DIPK1C: variants seen among roughly 807,000 people sequenced by gnomAD.
DIPK1C encodes the protein familial non-conventional Alzheimer's dementia.
Under a neutral mutation model 28.0 loss-of-function variants are expected in DIPK1C, and 33 were observed. That is an observed-to-expected ratio of 1.18 (90% confidence interval 0.89 to 1.58). DIPK1C has a LOEUF of 1.58. Among genes scored for constraint, DIPK1C ranks in the 40% most tolerant of loss-of-function variants. The pLI is 0.00. For missense variants in DIPK1C, 569 were observed against 568.5 expected (o/e 1.00, Z -0.01); for synonymous variants, 255 against 248.8 (o/e 1.02, Z -0.23).
intron 3 of DIPK1C, among the ~76,000 whole-genome samples, chr18:74,438,888 C>A (rs1247164956): frequency 2.6e-5 from 4 of 152,238 alleles, no homozygotes; most frequent in African/African-American, 7.2e-5. Flanking sequence ...TTGGGCCCAC[C>A]CTCTTTAACC....
chr18:74,450,011 G>T (rs2288262), intron 1 of DIPK1C, among the ~76,000 whole-genome samples: 5,812 of 152,194 alleles, frequency 0.038, 129 homozygotes, highest in East Asian at 0.1. Flanking sequence ...GCGGCAGCTG[G>T]TCAGGCTCCT....
rs1473240635 is a variant in DIPK1C, at chr18:74,435,841, A to C, written c.*660T>G. On this transcript the variant is annotated 3_prime_UTR_variant, in exon 4 of 4. Coordinates refer to ENST00000343998, the MANE Select transcript of DIPK1C (RefSeq NM_001044369.3). Reference sequence around the variant, plus strand: ...TAGAGAAAGCACCACTCCCCACCCTAACCCACATCCCCAACACACTCACCT... The same window carrying C: ...TAGAGAAAGCACCACTCCCCACCCTCACCCACATCCCCAACACACTCACCT... The C allele has an allele frequency of 6.6e-6, 1 of 152,444 alleles. No individual in the cohort carries two copies. Among genetic ancestry groups the C allele is most frequent in the Non-Finnish European group, 1.5e-5 (1 of 68,056 alleles). The allele number at this position is 152,444 out of a possible 1,614,324, so 9.4% of individuals were successfully genotyped here. A position where few individuals can be genotyped will look rare whatever the true frequency, so the allele number is the denominator to read the frequency against.
intron 2 of DIPK1C, among the ~76,000 whole-genome samples, chr18:74,446,024 G>A (rs559165374): frequency 1.8e-4 from 27 of 152,188 alleles, no homozygotes; most frequent in Non-Finnish European, 2.9e-4. Flanking sequence ...CCCGTGGTGC[G>A]GTGACAGATA....
In DIPK1C at chr18:74,457,043, G is replaced by A; in HGVS notation, c.198+19C>T. The A allele has an allele frequency of 7.0e-7, 1 of 1,429,400 alleles. No individual in the cohort carries two copies. The highest frequency in any genetic ancestry group is 2.9e-5 in the Admixed American group (1 of 34,074). 88.5% of individuals were successfully genotyped at this position (1,429,400 alleles called of 1,614,324 possible). On this transcript the variant is annotated intron_variant, in intron 1 of 3. Coordinates refer to ENST00000343998, the MANE Select transcript of DIPK1C (RefSeq NM_001044369.3). Reference sequence around the variant, plus strand: ...CTCCCCGGACGCGCGGCGCGGGGCAGAGCGGCGGCGGGACCTACCAGCGCG... The same window carrying A: ...CTCCCCGGACGCGCGGCGCGGGGCAAAGCGGCGGCGGGACCTACCAGCGCG...
rs1281314137 is a variant in DIPK1C, at chr18:74,434,791, G to A, written c.*1710C>T. 2 of 152,240 alleles carry A rather than the reference G, an allele frequency of 1.3e-5. No individual in the cohort carries two copies. Among genetic ancestry groups the A allele is most frequent in the African/African-American group, 4.8e-5 (2 of 41,454 alleles). 9.4% of individuals were successfully genotyped at this position (152,240 alleles called of 1,614,324 possible). A position where few individuals can be genotyped will look rare whatever the true frequency, so the allele number is the denominator to read the frequency against. On this transcript the variant is annotated 3_prime_UTR_variant, in exon 4 of 4. Coordinates refer to ENST00000343998, the MANE Select transcript of DIPK1C (RefSeq NM_001044369.3). ...TCCTAGGCCTGGCCGTTGAACTTTG[G>A]TTTTAATTTGCTCGTGCCACAGGGT...
In DIPK1C at chr18:74,436,249, G is replaced by C. The variant is rs915626305; in HGVS notation, c.*252C>G. 3 of 519,430 alleles carry C rather than the reference G, an allele frequency of 5.8e-6. No individual in the cohort carries two copies. The highest frequency in any genetic ancestry group is 5.0e-4 in the Middle Eastern group (1 of 1,992). The allele number at this position is 519,430 out of a possible 1,614,324, so 32.2% of individuals were successfully genotyped here. A position where few individuals can be genotyped will look rare whatever the true frequency, so the allele number is the denominator to read the frequency against. On this transcript the variant is annotated 3_prime_UTR_variant, in exon 4 of 4. Coordinates refer to ENST00000343998, the MANE Select transcript of DIPK1C (RefSeq NM_001044369.3). ...GCACACAGGTTGGTGTCTTCTGACCGAGAGCCCTCCTGAAGGGAGGTCTGT... is the reference window on the plus strand; with the variant it reads ...GCACACAGGTTGGTGTCTTCTGACCCAGAGCCCTCCTGAAGGGAGGTCTGT...
rs749121805 is a variant in DIPK1C at position 74,446,749 on chromosome 18, G to C, written c.733C>G (p.Pro245Ala). 7.3e-5 allele frequency: 111 copies of C among 1,529,868 alleles called. No homozygotes were observed. Among genetic ancestry groups the C allele is most frequent in the Non-Finnish European group, 2.2e-5 (25 of 1,136,482 alleles). The allele number at this position is 1,529,868 out of a possible 1,614,324, so 94.8% of individuals were successfully genotyped here. A position where few individuals can be genotyped will look rare whatever the true frequency, so the allele number is the denominator to read the frequency against. Residue 245 changes from proline (P) to alanine (A), a missense_variant, in exon 2 of 4, where the codon CCT becomes GCT. Physicochemically the swap from Pro to Ala is conservative, Grantham distance 27. Coordinates refer to ENST00000343998, the MANE Select transcript of DIPK1C (RefSeq NM_001044369.3). ...ATGGCCTTGGCCTGGCCACCCCCAG[G>C]GGCACCTGGGGCCCGGTCCAGGGGG... ...LFPLDRAPGA[P>A]GGGQAKAISD...
At chr18:74,444,020 C>T (rs1986204845) in intron 2 of DIPK1C, among the ~76,000 whole-genome samples, 1 of 151,196 alleles carries the variant, frequency 6.6e-6, no homozygotes, top group Admixed American at 6.6e-5. Context: ...AAACATAACC[C>T]TATGCACCTA....
chr18:74,457,303 C>T lies in DIPK1C; in HGVS notation c.-44G>A. 6 of 982,464 alleles carry T rather than the reference C, an allele frequency of 6.1e-6. No homozygotes were observed. Among genetic ancestry groups the T allele is most frequent in the Non-Finnish European group, 7.2e-6 (6 of 827,768 alleles). The allele number at this position is 982,464 out of a possible 1,614,324, so 60.9% of individuals were successfully genotyped here. A position where few individuals can be genotyped will look rare whatever the true frequency, so the allele number is the denominator to read the frequency against. ...CCGGGCCCCACCGCCGCCCGCGCCCCGAGTTCCGCACTCGCGTAGCTGCTC... is the reference window on the plus strand; with the variant it reads ...CCGGGCCCCACCGCCGCCCGCGCCCTGAGTTCCGCACTCGCGTAGCTGCTC... On this transcript the variant is annotated 5_prime_UTR_variant, in exon 1 of 4. Coordinates refer to ENST00000343998, the MANE Select transcript of DIPK1C (RefSeq NM_001044369.3).
At chr18:74,449,343 A>T (rs1032358889) in intron 1 of DIPK1C, among the ~76,000 whole-genome samples, 6 of 152,236 alleles carry the variant, frequency 3.9e-5, no homozygotes, top group African/African-American at 1.4e-4. Flanking sequence ...ATTCAACAAG[A>T]TTTGAATTTT....
chr18:74,436,340 G>A lies in DIPK1C; in HGVS notation c.*161C>T, dbSNP rs1161210830. 1 of 693,372 alleles carries A rather than the reference G, an allele frequency of 1.4e-6. No individual in the cohort carries two copies. The highest frequency in any genetic ancestry group is 2.4e-6 in the Non-Finnish European group (1 of 423,194). The allele number at this position is 693,372 out of a possible 1,614,324, so 43.0% of individuals were successfully genotyped here. On this transcript the variant is annotated 3_prime_UTR_variant, in exon 4 of 4. Coordinates refer to ENST00000343998, the MANE Select transcript of DIPK1C (RefSeq NM_001044369.3). The stretch of plus-strand genomic sequence containing the variant: ...GAGGCCAGGGTGGGACGAGAGCGAG[G>A]GAGCACTGTCTCTGGCAGCAGCACT...
At chr18:74,439,983 T>C (rs948876252) in intron 3 of DIPK1C, among the ~76,000 whole-genome samples, 25 of 150,232 alleles carry the variant, frequency 1.7e-4, no homozygotes, top group African/African-American at 3.2e-4. Context: ...CTCGCTCTGT[T>C]GCCCAGGCTG....
At chr18:74,458,256 C>T (rs1372595589), upstream of DIPK1C, among the ~76,000 whole-genome samples, 4 of 152,170 alleles carry the variant, frequency 2.6e-5, no homozygotes, top group Non-Finnish European at 5.9e-5. Context: ...GTGAAAGCCG[C>T]CACGCCCGGG....
rs1425375911 is a variant in DIPK1C, at chr18:74,436,026, TG to T, written c.*474del. ...CCACACTCACCTGTGCACACTCACCTGTGCACACTCACACACATGCAGACAC... is the reference window on the plus strand; with the variant it reads ...CCACACTCACCTGTGCACACTCACCTTGCACACTCACACACATGCAGACAC... On this transcript the variant is annotated 3_prime_UTR_variant, in exon 4 of 4. Transcript: ENST00000343998. 2 of 192,622 alleles carry T rather than the reference TG, an allele frequency of 1.0e-5. No individual in the cohort carries two copies. The highest frequency in any genetic ancestry group is 2.2e-5 in the Non-Finnish European group (2 of 92,506). 11.9% of individuals were successfully genotyped at this position (192,622 alleles called of 1,614,324 possible).
Position 74,447,403 on chromosome 18 carries a change from G to T in DIPK1C, c.199-120C>A. On this transcript the variant is annotated intron_variant, in intron 1 of 3. Transcript: ENST00000343998. This position sits in a 1 kb window ranked among gnomAD's most constrained non-coding sequence, Gnocchi z 4.1. The stretch of plus-strand genomic sequence containing the variant: ...CTCAGGACGCTGATAATCCAGCTGT[G>T]CAGAGAAACCTCAGCCCTGTGGATC... 9.5e-7 allele frequency: 1 copy of T among 1,047,160 alleles called. No individual in the cohort carries two copies. Among genetic ancestry groups the T allele is most frequent in the Non-Finnish European group, 1.3e-6 (1 of 747,214 alleles). 64.9% of individuals were successfully genotyped at this position (1,047,160 alleles called of 1,614,324 possible). A position where few individuals can be genotyped will look rare whatever the true frequency, so the allele number is the denominator to read the frequency against.
intron 2 of DIPK1C, 41 bp from the exon 3 acceptor site, chr18:74,442,157 TG>T: frequency 1.2e-6 from 2 of 1,610,694 alleles, no homozygotes; most frequent in Non-Finnish European, 1.7e-6. Context: ...GGGCTACTGG[TG>T]GGCTCTGCAG....
chr18:74,449,985 C>A (rs1012730274), intron 1 of DIPK1C, among the ~76,000 whole-genome samples: 1 of 152,284 alleles, frequency 6.6e-6, no homozygotes. Context: ...ACCTCCACAT[C>A]GCCCTTCGGA....
chr18:74,446,020 G>A (rs911330449), intron 2 of DIPK1C, among the ~76,000 whole-genome samples: 2 of 152,230 alleles, frequency 1.3e-5, no homozygotes, highest in African/African-American at 2.4e-5. Flanking sequence ...GTGCCCCGTG[G>A]TGCGGTGACA....
chr18:74,442,629 G>A (rs181144033), intron 2 of DIPK1C, among the ~76,000 whole-genome samples: 30 of 152,242 alleles, frequency 2.0e-4, no homozygotes, highest in African/African-American at 6.3e-4. Context: ...GTGCCCGGCC[G>A]CATTTTCTTT....
Sources: gnomAD v4.1 joint callset for allele counts (sites outside exome capture counted in the v4.1 genomes callset) on GRCh38, gnomAD v4.1.1 for gene constraint, Gnocchi (gnomAD v3.1) non-coding constraint, MANE v1.5 for transcripts, NCBI Gene and HGNC (gene_info 2026-07-23, HGNC 2026-07-21) for gene names.